ACYP2: variants seen among roughly 807,000 people sequenced by gnomAD.
ACYP2 encodes acylphosphatase-2.
A neutral mutation model predicts 11.2 loss-of-function variants in ACYP2; 12 were observed. The ratio of observed to expected loss-of-function variants is 1.08; its 90% CI spans 0.69 to 1.74. The LOEUF is 1.74. Among genes scored for constraint, ACYP2 ranks in the 40% most tolerant of loss-of-function variants. The pLI is 0.00. For missense variants in ACYP2, 134 were observed against 101.9 expected (o/e 1.31, Z -1.35); for synonymous variants, 43 against 32.2 (o/e 1.33, Z -1.13).
intron 6 of ACYP2, among the ~76,000 whole-genome samples, chr2:54,210,414 A>AAAACT (rs56354859): frequency 0.24 from 35,969 of 151,882 alleles, 4,590 homozygotes; most frequent in South Asian, 0.41. Context: ...CTATACAAAT[A>AAAACT]AAACTAAAAC....
At chr2:54,027,497 C>G (rs1383506335) in intron 2 of ACYP2, among the ~76,000 whole-genome samples, 2 of 152,204 alleles carry the variant, frequency 1.3e-5, no homozygotes, top group African/African-American at 4.8e-5. Context: ...ATACTTCAGA[C>G]TATCATAAAA....
At chr2:54,079,589 TCA>T (rs917154809) in intron 4 of ACYP2, among the ~76,000 whole-genome samples, 55 of 152,150 alleles carry the variant, frequency 3.6e-4, no homozygotes, top group Non-Finnish European at 2.9e-4. Flanking sequence ...GATGCTGACA[TCA>T]CAGATTTCAG....
At chr2:54,299,694 C>T (rs562098324) in intron 6 of ACYP2, among the ~76,000 whole-genome samples, 5 of 152,182 alleles carry the variant, frequency 3.3e-5, no homozygotes, top group African/African-American at 1.2e-4. Flanking sequence ...TGGGGAGGCT[C>T]ACACTCCTTC....
chr2:54,104,659 TGA>T (rs975435677), intron 4 of ACYP2, among the ~76,000 whole-genome samples: 3 of 152,196 alleles, frequency 2.0e-5, no homozygotes, highest in Non-Finnish European at 2.9e-5. Context: ...ACTTTGACAA[TGA>T]GAAAGTATTA....
intron 6 of ACYP2, among the ~76,000 whole-genome samples, chr2:54,234,699 A>T (rs549787978): frequency 6.6e-6 from 1 of 152,344 alleles, no homozygotes; most frequent in East Asian, 1.9e-4. Flanking sequence ...TTTCCTTAAA[A>T]ATTGATGCAG....
intron 6 of ACYP2, among the ~76,000 whole-genome samples, chr2:54,201,892 G>C (rs6743897): frequency 0.27 from 41,334 of 151,006 alleles, 5,835 homozygotes; most frequent in South Asian, 0.44. Flanking sequence ...ATTTTTAGTA[G>C]AGACAGGGTT....
intron 6 of ACYP2, among the ~76,000 whole-genome samples, chr2:54,244,395 T>C (rs1686862268): frequency 6.6e-6 from 1 of 151,980 alleles, no homozygotes; most frequent in Admixed American, 6.6e-5. Context: ...AGAGATGGAG[T>C]TTCACCATGT....
At chr2:54,060,011 T>C (rs1030192414) in intron 4 of ACYP2, among the ~76,000 whole-genome samples, 1 of 152,214 alleles carries the variant, frequency 6.6e-6, no homozygotes, top group African/African-American at 2.4e-5. Context: ...TTTCCTGAAA[T>C]TCCATACTGT....
intron 4 of ACYP2, among the ~76,000 whole-genome samples, chr2:54,125,685 G>C (rs1286176484): frequency 6.6e-6 from 1 of 152,136 alleles, no homozygotes; most frequent in Admixed American, 6.5e-5. Flanking sequence ...GGGAGGTGGA[G>C]GTTGCAGTGA....
At chr2:54,137,183 G>A (rs982087517) in intron 5 of ACYP2, among the ~76,000 whole-genome samples, 2 of 151,672 alleles carry the variant, frequency 1.3e-5, no homozygotes, top group African/African-American at 2.4e-5. Flanking sequence ...CAAGTCCAGA[G>A]CCAACAGAAA....
At chr2:54,219,839 GTA>G (rs1685713524) in intron 6 of ACYP2, among the ~76,000 whole-genome samples, 1 of 133,032 alleles carries the variant, frequency 7.5e-6, no homozygotes, top group Admixed American at 7.8e-5. Context: ...ATATATATGT[GTA>G]TGTGTGTGTA....
intron 6 of ACYP2, among the ~76,000 whole-genome samples, chr2:54,232,686 T>C (rs1165544123): frequency 6.6e-6 from 1 of 152,066 alleles, no homozygotes; most frequent in Non-Finnish European, 1.5e-5. Context: ...TGGGGAGGCC[T>C]CAGGAAACGT....
chr2:53,982,872 G>GTGTGTA lies in ACYP2; in HGVS notation c.62+9064_62+9065insTGTATG, dbSNP rs1250430076. 6.8e-3 allele frequency among the ~76,000 whole-genome samples: 981 copies of GTGTGTA among 143,744 alleles called. 13 individuals are homozygous for GTGTGTA. Among genetic ancestry groups the GTGTGTA allele is most frequent in the African/African-American group, 0.023 (880 of 38,998 alleles). The allele number at this position is 143,744 out of a possible 152,430, so 94.3% of individuals were successfully genotyped here. On this transcript the variant is annotated intron_variant, in intron 2 of 6. Coordinates refer to ENST00000607452, the MANE Select transcript of ACYP2 (RefSeq NM_001320586.2). ...TGTGTGTGTGTGTGTGTGTGTGTGT[G>GTGTGTA]TGATATAAATAGGTTCAGGGAGAAC...
chr2:54,133,755 C>T (rs904357342), intron 4 of ACYP2, among the ~76,000 whole-genome samples: 8 of 152,280 alleles, frequency 5.3e-5, no homozygotes, highest in Admixed American at 3.9e-4. Flanking sequence ...AAGGCCTTCC[C>T]TTTCACTAAA....
chr2:54,295,532 C>T (rs548275681), intron 6 of ACYP2, among the ~76,000 whole-genome samples: 34 of 152,268 alleles, frequency 2.2e-4, no homozygotes, highest in African/African-American at 7.5e-4. Context: ...AATTGCCCTC[C>T]TCCCACGCAT....
At chr2:54,196,295 C>T (rs919217180) in intron 6 of ACYP2, among the ~76,000 whole-genome samples, 2 of 152,156 alleles carry the variant, frequency 1.3e-5, no homozygotes, top group Non-Finnish European at 2.9e-5. Flanking sequence ...TCACTGCAAT[C>T]TCCACCTCCC....
chr2:54,004,960 A>C (rs1215756866), intron 2 of ACYP2, among the ~76,000 whole-genome samples: 8 of 151,702 alleles, frequency 5.3e-5, no homozygotes, highest in Admixed American at 2.6e-4. Flanking sequence ...TTTTGATAAC[A>C]GTCTAACAGT....
At chr2:54,013,285 G>A (rs868478505) in intron 2 of ACYP2, among the ~76,000 whole-genome samples, 1,812 of 148,128 alleles carry the variant, frequency 0.012, 37 homozygotes, top group Non-Finnish European at 0.02. Context: ...GTGTGTGTGT[G>A]TGTGTGTGTG....
intron 6 of ACYP2, among the ~76,000 whole-genome samples, chr2:54,196,155 G>T (rs1427072148): frequency 1.3e-5 from 2 of 152,180 alleles, no homozygotes; most frequent in South Asian, 2.1e-4. Context: ...GGCTGAATGT[G>T]TATTAAATGG....
Sources: allele counts gnomAD v4.1 joint callset (sites outside exome capture counted in the v4.1 genomes callset), GRCh38; gene constraint gnomAD v4.1.1; transcripts MANE v1.5; gene names NCBI Gene and HGNC (gene_info 2026-07-23, HGNC 2026-07-21).